The following CCDC7 variants were observed in gnomAD, a reference collection of about 807,000 sequenced individuals.
The protein encoded by CCDC7 is coiled-coil domain containing 7, also known as coiled-coil domain-containing protein 7.
In CCDC7, 183 loss-of-function variants were observed where a neutral mutation model predicts 196.9. That is an observed-to-expected ratio of 0.93 (90% CI 0.82 to 1.05). The LOEUF (loss-of-function observed/expected upper bound fraction) is 1.05, where lower values mean the gene tolerates loss of function less well. Ranked by LOEUF, CCDC7 falls within the 50% of genes least tolerant of loss-of-function variation. CCDC7 has a pLI of 0.00. For missense variants in CCDC7, 1,540 were observed against 1,482.2 expected, an observed-to-expected ratio of 1.04 and a Z score of -0.64; for synonymous variants, 525 against 484.6, an observed-to-expected ratio of 1.08 and a Z score of -1.10.
chr10:32,498,643 G>A (rs994567593), intron 9 of CCDC7, among the ~76,000 whole-genome samples: 1 of 152,084 alleles, frequency 6.6e-6, no homozygotes, highest in Non-Finnish European at 1.5e-5. Context: ...TGCTTAGGAA[G>A]CTTAGTTTGG....
At chr10:32,877,899 T>C (rs948623803), downstream of CCDC7, among the ~76,000 whole-genome samples, 4 of 151,876 alleles carry the variant, frequency 2.6e-5, no homozygotes, top group African/African-American at 9.7e-5. Context: ...TTGAAGAGGA[T>C]ACAAGGGAAA....
chr10:32,810,550 G>A (rs965267617), intron 30 of CCDC7, among the ~76,000 whole-genome samples: 4 of 152,204 alleles, frequency 2.6e-5, no homozygotes, highest in South Asian at 2.1e-4. Context: ...GACAGAGACA[G>A]TCCAATAAAA....
At chr10:32,882,501 T>G (rs1012799291) in intron 22 of CCDC7, among the ~76,000 whole-genome samples, 192 bp from the exon 44 acceptor site, 1 of 152,104 alleles carries the variant, frequency 6.6e-6, no homozygotes, top group Non-Finnish European at 1.5e-5. Context: ...AAGAATATTT[T>G]AGGATTGAAA....
intron 25 of CCDC7, among the ~76,000 whole-genome samples, chr10:32,726,417 A>G (rs1417660959): frequency 6.6e-6 from 1 of 152,002 alleles, no homozygotes; most frequent in South Asian, 2.1e-4. Flanking sequence ...TGTGCATACA[A>G]ATTTTTATTG....
In CCDC7 at chr10:32,504,923, G is replaced by A. The variant is rs182745855; in HGVS notation, c.872+12926G>A. ...TTGTATGTGTCAGTTAGGTCCATTT[G>A]GCCTAAAGTATCGTTCAAGTCCGAT... On this transcript the variant is annotated intron_variant, in intron 9 of 41. Transcript: ENST00000639629. Among the ~76,000 whole-genome samples, 199 of 152,270 alleles carry A rather than the reference G, an allele frequency of 1.3e-3. 1 individual carries two copies. The highest frequency in any genetic ancestry group is 1.0e-3 in the Non-Finnish European group (69 of 68,008).
At chr10:32,519,549 T>G (rs2047557748) in intron 11 of CCDC7, among the ~76,000 whole-genome samples, 1 of 151,556 alleles carries the variant, frequency 6.6e-6, no homozygotes, top group Non-Finnish European at 1.5e-5. Context: ...ATTTGGTAGG[T>G]TAGACTCTTA....
intron 41 of CCDC7, among the ~76,000 whole-genome samples, chr10:32,876,001 C>T (rs1415537735): frequency 6.6e-6 from 1 of 151,874 alleles, no homozygotes; most frequent in Non-Finnish European, 1.5e-5. Context: ...ATGGGCATCG[C>T]CTGGGAACTT....
At chr10:32,555,104 A>G (rs2054135440) in intron 13 of CCDC7, among the ~76,000 whole-genome samples, 1 of 152,212 alleles carries the variant, frequency 6.6e-6, no homozygotes, top group Non-Finnish European at 1.5e-5. Flanking sequence ...GTTGATGGAC[A>G]CTTACATTGC....
intron 25 of CCDC7, among the ~76,000 whole-genome samples, chr10:32,717,265 C>G (rs1208791011): frequency 6.6e-6 from 1 of 152,274 alleles, no homozygotes; most frequent in East Asian, 1.9e-4. Context: ...ACTGAACAAC[C>G]TGCTCCTGAA....
intron 9 of CCDC7, among the ~76,000 whole-genome samples, chr10:32,499,750 G>A (rs140214088): frequency 0.11 from 17,315 of 152,074 alleles, 1,186 homozygotes; most frequent in South Asian, 0.27. Flanking sequence ...GGGCCCTGCC[G>A]CCTTCCGCAG....
intron 16 of CCDC7, among the ~76,000 whole-genome samples, chr10:32,577,634 T>C (rs1418482718): frequency 1.3e-5 from 2 of 152,194 alleles, no homozygotes; most frequent in Non-Finnish European, 2.9e-5. Context: ...TAGTGAATCA[T>C]GCTTTCTTGT....
chr10:32,819,481 C>T (rs2089674242), intron 31 of CCDC7, among the ~76,000 whole-genome samples: 1 of 152,152 alleles, frequency 6.6e-6, no homozygotes, highest in South Asian at 2.1e-4. Context: ...CAGCATCATC[C>T]TGATACCAAA....
intron 18 of CCDC7, among the ~76,000 whole-genome samples, chr10:32,602,321 C>A (rs1445402982): frequency 6.6e-6 from 1 of 152,112 alleles, no homozygotes; most frequent in Non-Finnish European, 1.5e-5. Context: ...ATTCTGGACA[C>A]ACCATCTTTA....
intron 8 of CCDC7, among the ~76,000 whole-genome samples, chr10:32,482,257 T>G (rs1305270107): frequency 2.6e-5 from 4 of 152,066 alleles, no homozygotes; most frequent in Admixed American, 1.3e-4. Context: ...ATGTATATAT[T>G]GTGTCGTGGT....
intron 29 of CCDC7, among the ~76,000 whole-genome samples, chr10:32,779,672 C>T (rs188493857): frequency 3.5e-4 from 54 of 152,224 alleles, no homozygotes; most frequent in African/African-American, 1.3e-3. Flanking sequence ...CAGGCAAACA[C>T]GAACAAAATG....
chr10:32,757,636 C>G (rs972927174), intron 28 of CCDC7, among the ~76,000 whole-genome samples: 13 of 152,088 alleles, frequency 8.5e-5, no homozygotes, highest in African/African-American at 3.1e-4. Flanking sequence ...ACTAAATGCC[C>G]ACAAGAGAAA....
chr10:32,847,738 G>T, intron 37 of CCDC7, 95 bp from the exon 39 acceptor site: 1 of 760,872 alleles, frequency 1.3e-6, no homozygotes, highest in Non-Finnish European at 2.1e-6. Flanking sequence ...GAAAAGAAAA[G>T]AAAAAGAAAT....
chr10:32,796,231 G>T (rs757841430), intron 29 of CCDC7, among the ~76,000 whole-genome samples: 9 of 151,998 alleles, frequency 5.9e-5, no homozygotes, highest in Non-Finnish European at 8.8e-5. Context: ...GATATTGCTG[G>T]TCATAATATT....
chr10:32,837,273 C>T (rs1186925519), intron 33 of CCDC7, among the ~76,000 whole-genome samples: 2 of 152,138 alleles, frequency 1.3e-5, no homozygotes, highest in Non-Finnish European at 1.5e-5. Flanking sequence ...AGGATGTGAA[C>T]AGACACTTCT....
Sources: allele counts gnomAD v4.1 joint callset (sites outside exome capture counted in the v4.1 genomes callset), GRCh38; gene constraint gnomAD v4.1.1; transcripts MANE v1.5; gene names NCBI Gene and HGNC (gene_info 2026-07-23, HGNC 2026-07-21).